GRM5: variants seen among roughly 807,000 people sequenced by gnomAD.
The protein encoded by GRM5 is metabotropic glutamate receptor 5.
Under a neutral mutation model 83.1 loss-of-function variants are expected in GRM5, and 19 were observed. The ratio of observed to expected loss-of-function variants is 0.23; its 90% CI spans 0.16 to 0.34. The LOEUF (loss-of-function observed/expected upper bound fraction) is 0.34. GRM5 is among the 10% of genes least tolerant of loss of function. The pLI, the probability that GRM5 is intolerant of heterozygous loss-of-function variation, is 1.00. For missense variants in GRM5, 1,160 were observed against 1,588.3 expected (o/e 0.73, Z 4.58); for synonymous variants, 675 against 633.6 (o/e 1.07, Z -0.98).
chr11:88,627,082 A>C (rs1938818881), intron 4 of GRM5, among the ~76,000 whole-genome samples: 1 of 152,246 alleles, frequency 6.6e-6, no homozygotes, highest in African/African-American at 2.4e-5. Context: ...TGTTCTTCTC[A>C]TAATATCTCT....
At chr11:88,944,226 A>G (rs998963059) in intron 2 of GRM5, among the ~76,000 whole-genome samples, 11 of 152,008 alleles carry the variant, frequency 7.2e-5, no homozygotes, top group African/African-American at 2.2e-4. Flanking sequence ...GAGAAGCCAG[A>G]TTATAAGGAA....
chr11:88,989,495 T>C (rs1472988221), intron 2 of GRM5, among the ~76,000 whole-genome samples: 49 of 123,298 alleles, frequency 4.0e-4, no homozygotes, highest in African/African-American at 6.0e-4. Flanking sequence ...TGAACTCAGC[T>C]CTGCACCAAG....
intron 9 of GRM5, among the ~76,000 whole-genome samples, chr11:88,521,902 T>G (rs1941702368): frequency 1.3e-5 from 2 of 152,206 alleles, no homozygotes. Context: ...TCTGCTCTGC[T>G]TCAACTGTAA....
At chr11:88,884,181 GCAA>G (rs1945005529) in intron 2 of GRM5, among the ~76,000 whole-genome samples, 2 of 152,198 alleles carry the variant, frequency 1.3e-5, no homozygotes, top group Non-Finnish European at 2.9e-5. Context: ...GCCCTACACT[GCAA>G]AGTCACAGGG....
intron 1 of GRM5, among the ~76,000 whole-genome samples, chr11:89,062,802 C>T (rs1235585737): frequency 6.6e-6 from 1 of 152,258 alleles, no homozygotes; most frequent in Non-Finnish European, 1.5e-5. Context: ...CTCGGGCCAC[C>T]GGCTAGCCTC....
At chr11:88,525,201 CTG>C (rs1458571336) in intron 9 of GRM5, 106 bp downstream of exon 9, 2 of 721,020 alleles carry the variant, frequency 2.8e-6, no homozygotes, top group African/African-American at 3.5e-5. Context: ...GTTGGACACA[CTG>C]TATGAGTTGC....
chr11:88,879,941 T>C lies in GRM5; in HGVS notation c.662-29786A>G, dbSNP rs146882903. Among the ~76,000 whole-genome samples the C allele has an allele frequency of 4.3e-4, 66 of 152,160 alleles. 1 individual carries two copies. The East Asian group carries it at 0.011, about 26-fold the overall frequency. The stretch of plus-strand genomic sequence containing the variant: ...GAAACAAAACTAAACACTAGCCTTA[T>C]TATAGAGAAATAGATGCATGTATTT... On this transcript the variant is annotated intron_variant, in intron 2 of 9. Coordinates refer to ENST00000305447, the MANE Select transcript of GRM5 (RefSeq NM_001143831.3).
At chr11:88,866,653 T>C (rs990427449) in intron 2 of GRM5, among the ~76,000 whole-genome samples, 3 of 152,040 alleles carry the variant, frequency 2.0e-5, no homozygotes, top group African/African-American at 7.2e-5. Context: ...AGGCCACTTT[T>C]TAACATAATT....
At chr11:88,887,148 G>T (rs1407089377) in intron 2 of GRM5, among the ~76,000 whole-genome samples, 3 of 152,042 alleles carry the variant, frequency 2.0e-5, no homozygotes, top group African/African-American at 7.2e-5. Context: ...TCAACAATTA[G>T]GATTAAAATG....
At chr11:88,811,653 T>C (rs1408934249) in intron 3 of GRM5, among the ~76,000 whole-genome samples, 1 of 152,164 alleles carries the variant, frequency 6.6e-6, no homozygotes, top group Admixed American at 6.5e-5. Flanking sequence ...TATAATTTAA[T>C]ACCTATAGGA....
At chr11:89,026,282 C>A (rs1228140309) in intron 2 of GRM5, among the ~76,000 whole-genome samples, 1 of 152,128 alleles carries the variant, frequency 6.6e-6, no homozygotes, top group Admixed American at 6.5e-5. Context: ...ACCCATGTAA[C>A]AAACCTGCAC....
intron 2 of GRM5, among the ~76,000 whole-genome samples, chr11:89,001,834 T>C (rs548662193): frequency 6.6e-6 from 1 of 152,276 alleles, no homozygotes; most frequent in Non-Finnish European, 1.5e-5. Context: ...ATCCGAAGAC[T>C]GTCATATCAC....
intron 3 of GRM5, among the ~76,000 whole-genome samples, chr11:88,746,897 A>G (rs1430101558): frequency 1.3e-5 from 2 of 152,178 alleles, no homozygotes; most frequent in East Asian, 3.9e-4. Flanking sequence ...AAAATCAATG[A>G]AGCATATCGT....
chr11:88,621,137 G>A (rs1198303152), intron 4 of GRM5, among the ~76,000 whole-genome samples: 1 of 152,130 alleles, frequency 6.6e-6, no homozygotes, highest in Non-Finnish European at 1.5e-5. Context: ...GAGGGCTAAT[G>A]GTTATGATAT....
chr11:88,665,162 TACACACAC>T (rs1214459891), intron 3 of GRM5, among the ~76,000 whole-genome samples: 1 of 140,910 alleles, frequency 7.1e-6, no homozygotes. Context: ...TTAATTTATT[TACACACAC>T]ACACACACAC....
intron 3 of GRM5, among the ~76,000 whole-genome samples, chr11:88,656,568 A>G (rs936230628): frequency 1.3e-5 from 2 of 152,112 alleles, no homozygotes; most frequent in Non-Finnish European, 2.9e-5. Flanking sequence ...ACAAACTTAC[A>G]GTATCTATTT....
intron 2 of GRM5, among the ~76,000 whole-genome samples, chr11:88,868,314 C>T (rs1191573402): frequency 1.3e-5 from 2 of 151,772 alleles, no homozygotes; most frequent in Non-Finnish European, 1.5e-5. Context: ...TTTCAAATCC[C>T]GGCTCTGACA....
intron 2 of GRM5, among the ~76,000 whole-genome samples, chr11:88,907,342 T>A (rs1032564415): frequency 2.6e-5 from 4 of 152,040 alleles, no homozygotes. Flanking sequence ...AGGAGTCTCC[T>A]CCTCTTGCCT....
intron 3 of GRM5, among the ~76,000 whole-genome samples, chr11:88,827,706 G>C (rs75158553): frequency 7.2e-5 from 11 of 152,110 alleles, no homozygotes; most frequent in African/African-American, 2.7e-4. Flanking sequence ...ATGGATTAAG[G>C]TTTCTTCAGC....
Sources: allele counts gnomAD v4.1 joint callset (sites outside exome capture counted in the v4.1 genomes callset), GRCh38; gene constraint gnomAD v4.1.1; transcripts MANE v1.5; gene names NCBI Gene and HGNC (gene_info 2026-07-23, HGNC 2026-07-21).